OPRL1: variants seen among roughly 807,000 people sequenced by gnomAD.
OPRL1 encodes the protein nociceptin receptor.
OPRL1 carries 5 observed loss-of-function variants against 15.5 expected under a neutral mutation model. The ratio of observed to expected loss-of-function variants is 0.32; its 90% confidence interval spans 0.17 to 0.68. The LOEUF is 0.68. Ranked by LOEUF, OPRL1 falls within the 30% of genes least tolerant of loss-of-function variation. The pLI is 0.72. For missense variants in OPRL1, 406 were observed against 515.3 expected, an observed-to-expected ratio of 0.79 and a Z score of 2.05; for synonymous variants, 223 against 230.2, an observed-to-expected ratio of 0.97 and a Z score of 0.28.
rs371960332 is a variant in OPRL1 at position 64,097,282 on chromosome 20, C to T, written c.234-520C>T. Among the ~76,000 whole-genome samples the T allele has an allele frequency of 6.6e-6, 1 of 152,196 alleles. No homozygotes were observed. The highest frequency in any genetic ancestry group is 2.1e-4 in the South Asian group (1 of 4,828). On this transcript the variant is annotated intron_variant, in intron 3 of 4. Coordinates refer to ENST00000336866, the MANE Select transcript of OPRL1 (RefSeq NM_182647.4). The surrounding 1 kb of genome is among the most constrained non-coding windows in gnomAD (Gnocchi z 4.2). ...AGCATCCCTCCTGTCCCCCCGTCACCATTTTCGGTCTCCATTGCTAGGCAG... is the reference window on the plus strand; with the variant it reads ...AGCATCCCTCCTGTCCCCCCGTCACTATTTTCGGTCTCCATTGCTAGGCAG...
intron 1 of OPRL1, chr20:64,086,403 G>A (rs1394266571): frequency 4.4e-5 from 8 of 180,152 alleles, no homozygotes; most frequent in East Asian, 3.8e-4. Context: ...TTCTCCACAC[G>A]TTTGCAGTTC....
At chr20:64,098,213 C>T in intron 4 of OPRL1, 56 bp downstream of exon 4, 2 of 1,604,154 alleles carry the variant, frequency 1.2e-6, no homozygotes, top group Non-Finnish European at 8.5e-7. Context: ...CGGGTGGCTC[C>T]TCTGGGCCCA....
chr20:64,090,569 G>A lies in OPRL1; in HGVS notation c.-184-1397G>A, dbSNP rs1459538081. Among the ~76,000 whole-genome samples the A allele has an allele frequency of 6.6e-6, 1 of 152,236 alleles. No homozygotes were observed. Among genetic ancestry groups the A allele is most frequent in the African/African-American group, 2.4e-5 (1 of 41,460 alleles). Reference sequence around the variant, plus strand: ...GCAGGAAGTACAACCCCATGACCGGGAGGGAGCTGGTGATTCAGCTCAGGG... The same window carrying A: ...GCAGGAAGTACAACCCCATGACCGGAAGGGAGCTGGTGATTCAGCTCAGGG... On this transcript the variant is annotated intron_variant, in intron 1 of 4. Transcript: ENST00000336866. This position sits in a 1 kb window ranked among gnomAD's most constrained non-coding sequence, Gnocchi z 4.9.
At chr20:64,098,204 G>A (rs564894084) in intron 4 of OPRL1, 47 bp downstream of exon 4, 22 of 1,603,856 alleles carry the variant, frequency 1.4e-5, no homozygotes, top group South Asian at 1.0e-4. Flanking sequence ...CCTGGCTCCC[G>A]GGTGGCTCCT....
intron 1 of OPRL1, among the ~76,000 whole-genome samples, chr20:64,081,624 A>G (rs996814997): frequency 3.3e-5 from 5 of 152,152 alleles, no homozygotes; most frequent in Non-Finnish European, 7.4e-5. Flanking sequence ...TGGGCAGTTG[A>G]TGGCGGAGCT....
chr20:64,096,047 C>G (rs548762951), intron 3 of OPRL1, among the ~76,000 whole-genome samples: 6 of 152,120 alleles, frequency 3.9e-5, no homozygotes, highest in Admixed American at 3.9e-4. Flanking sequence ...GAGGTTGCCT[C>G]GTGATGTGCA....
chr20:64,098,473 C>G lies in OPRL1; in HGVS notation c.787C>G (p.Arg263Gly). Reference protein sequence around the residue: ...EKDRNLRRITRLVLVVVAVFV... With the variant: ...EKDRNLRRITGLVLVVVAVFV... ...GGACCGGAACCTGCGGCGCATCACT[C>G]GGCTGGTGCTGGTGGTAGTGGCTGT... Residue 263 changes from arginine (R) to glycine (G), a missense_variant, in exon 5 of 5, where the codon CGG (arginine) becomes GGG (glycine). Physicochemically the swap from Arg to Gly is moderately radical, Grantham distance 125. Coordinates refer to ENST00000336866, the MANE Select transcript of OPRL1 (RefSeq NM_182647.4). 6.2e-7 allele frequency: 1 copy of G among 1,613,304 alleles called. No homozygotes were observed. Among genetic ancestry groups the G allele is most frequent in the East Asian group, 2.2e-5 (1 of 44,878 alleles).
chr20:64,099,267 G>A lies in OPRL1; in HGVS notation c.*468G>A. On this transcript the variant is annotated 3_prime_UTR_variant, in exon 5 of 5. Coordinates refer to ENST00000336866, the MANE Select transcript of OPRL1 (RefSeq NM_182647.4). ...TGCTGTGTGCTGTTTGCATGGCAGG[G>A]CTCCAGCTGCCTTCAGCCCTGTGAC... 1 of 169,052 alleles carries A rather than the reference G, an allele frequency of 5.9e-6. No individual in the cohort carries two copies. The highest frequency in any genetic ancestry group is 1.3e-5 in the Non-Finnish European group (1 of 79,382). The allele number at this position is 169,052 out of a possible 1,614,324, so 10.5% of individuals were successfully genotyped here.
intron 1 of OPRL1, chr20:64,084,494 T>A (rs373383066): frequency 3.8e-6 from 3 of 792,694 alleles, no homozygotes; most frequent in South Asian, 1.2e-4. Flanking sequence ...AGGAAATATC[T>A]TTCCTACCCG....
In OPRL1 at chr20:64,098,115, G is replaced by A. The variant is rs142892326; in HGVS notation, c.547G>A (p.Val183Ile). The change falls in exon 4 of 5, where the codon GTT becomes ATT. Residue 183 changes from valine to isoleucine, a missense_variant. By Grantham distance (29) the Val-to-Ile change is conservative. Coordinates refer to ENST00000336866, the MANE Select transcript of OPRL1 (RefSeq NM_182647.4). ...AIWALASVVG[V>I]PVAIMGSAQV... ...CTGGGCCCTGGCCTCTGTTGTCGGT[G>A]TTCCCGTTGCCATCATGGGCTCGGC... is the stretch of plus-strand genomic sequence containing the variant. 2 of 1,613,146 alleles carry A rather than the reference G, an allele frequency of 1.2e-6. No individual in the cohort carries two copies. Among genetic ancestry groups the A allele is most frequent in the Non-Finnish European group, 1.7e-6 (2 of 1,180,022 alleles).
In OPRL1 at chr20:64,090,532, T is replaced by G. The variant is rs1295191362; in HGVS notation, c.-184-1434T>G. On this transcript the variant is annotated intron_variant, in intron 1 of 4. Coordinates refer to ENST00000336866, the MANE Select transcript of OPRL1 (RefSeq NM_182647.4). This position sits in a 1 kb window ranked among gnomAD's most constrained non-coding sequence, Gnocchi z 4.9. ...TGTGTGGGGAGAGGTCTGGTTTTCC[T>G]GCAAAGCTCGTGCAGGAAGTACAAC... 6.6e-6 allele frequency among the ~76,000 whole-genome samples: 1 copy of G among 152,208 alleles called. No individual in the cohort carries two copies. The highest frequency in any genetic ancestry group is 1.5e-5 in the Non-Finnish European group (1 of 68,042).
Position 64,083,529 on chromosome 20 carries a change from G to A in OPRL1, c.-185+3177G>A, listed in dbSNP as rs1422123849. The A allele has an allele frequency of 6.4e-7, 1 of 1,561,634 alleles. No homozygotes were observed. On this transcript the variant is annotated intron_variant, in intron 1 of 4. Transcript: ENST00000336866. This position sits in a 1 kb window ranked among gnomAD's most constrained non-coding sequence, Gnocchi z 4.9. Reference sequence around the variant, plus strand: ...AGAGAGGCTGGGGTCCGGCGTGTGCGGAGGCGGGCAGGGCCCCTCCCCTTT... The same window carrying A: ...AGAGAGGCTGGGGTCCGGCGTGTGCAGAGGCGGGCAGGGCCCCTCCCCTTT...
Position 64,098,698 on chromosome 20 carries a change from G to C in OPRL1, c.1012G>C (p.Ala338Pro). 1.2e-6 allele frequency: 2 copies of C among 1,612,722 alleles called. No individual in the cohort carries two copies. Among genetic ancestry groups the C allele is most frequent in the South Asian group, 2.2e-5 (2 of 91,088 alleles). The change falls in exon 5 of 5, where the codon GCC (alanine) becomes CCC (proline). Residue 338 changes from alanine (A) to proline (P), a missense_variant. Ala to Pro is a conservative substitution (Grantham distance 27). Coordinates refer to ENST00000336866, the MANE Select transcript of OPRL1 (RefSeq NM_182647.4). ...CTTCCGCAAGTTCTGCTGTGCATCT[G>C]CCCTGCGCCGGGACGTGCAGGTGTC... ...ACFRKFCCAS[A>P]LRRDVQVSDR... is the part of the protein sequence containing the mutation.
At position 64,092,114 on chromosome 20, in the gene OPRL1, G is replaced by A; in HGVS notation, c.-36G>A. 6.5e-6 allele frequency: 1 copy of A among 154,984 alleles called. No homozygotes were observed. The allele number at this position is 154,984 out of a possible 1,614,324, so 9.6% of individuals were successfully genotyped here. A position where few individuals can be genotyped will look rare whatever the true frequency, so the allele number is the denominator to read the frequency against. ...GGTCCCAGCTCCCAAGGAGGTTGCAGAAGTAAGGGCCTGAGCCGCTGGAGG... is the reference window on the plus strand; with the variant it reads ...GGTCCCAGCTCCCAAGGAGGTTGCAAAAGTAAGGGCCTGAGCCGCTGGAGG... On this transcript the variant is annotated splice_region_variant and 5_prime_UTR_variant, in exon 2 of 5. Coordinates refer to ENST00000336866, the MANE Select transcript of OPRL1 (RefSeq NM_182647.4).
Position 64,089,172 on chromosome 20 carries a change from T to C in OPRL1, c.-184-2794T>C, listed in dbSNP as rs938561576. On this transcript the variant is annotated intron_variant, in intron 1 of 4. Transcript: ENST00000336866. This position sits in a 1 kb window ranked among gnomAD's most constrained non-coding sequence, Gnocchi z 5.5. ...AAGGGAGGGAGAAGCTGTCCTGGGT[T>C]CTATGGTTATGAACATGTCAGGGCA... Among the ~76,000 whole-genome samples the C allele has an allele frequency of 6.6e-6, 1 of 152,054 alleles. No individual in the cohort carries two copies. Among genetic ancestry groups the C allele is most frequent in the Non-Finnish European group, 1.5e-5 (1 of 67,996 alleles).
In OPRL1 at chr20:64,083,968, C is replaced by T. The variant is rs750558165; in HGVS notation, c.-185+3616C>T. On this transcript the variant is annotated intron_variant, in intron 1 of 4. Transcript: ENST00000336866. This position sits in a 1 kb window ranked among gnomAD's most constrained non-coding sequence, Gnocchi z 4.9. The stretch of plus-strand genomic sequence containing the variant: ...GGTCGGGCATGCGGTACCCCGGTTC[C>T]ACCGACCCGCACGGGAAGGTGGAGG... The T allele has an allele frequency of 4.1e-6, 6 of 1,467,362 alleles. No homozygotes were observed. The highest frequency in any genetic ancestry group is 5.4e-6 in the Non-Finnish European group (6 of 1,116,986). 90.9% of individuals were successfully genotyped at this position (1,467,362 alleles called of 1,614,324 possible).
chr20:64,084,517 G>A (rs529743380), intron 1 of OPRL1, among the ~76,000 whole-genome samples: 34 of 152,322 alleles, frequency 2.2e-4, no homozygotes, highest in African/African-American at 7.7e-4. Flanking sequence ...GGACTGTTCT[G>A]TTTGAATTGA....
rs1466049598 is a variant in OPRL1, at chr20:64,098,448, G to A, written c.762G>A (p.Lys254=). Residue 254 remains lysine, a synonymous_variant, in exon 5 of 5, where the codon AAG becomes AAA. Transcript: ENST00000336866. ...GVRLLSGSRE[K]DRNLRRITRL... ...GCCTGCTCTCGGGCTCCCGAGAGAA[G>A]GACCGGAACCTGCGGCGCATCACTC... is the stretch of plus-strand genomic sequence containing the variant. The A allele has an allele frequency of 6.2e-7, 1 of 1,613,494 alleles. No individual in the cohort carries two copies. The highest frequency in any genetic ancestry group is 1.1e-5 in the South Asian group (1 of 91,088).
At chr20:64,088,644 ATCTGTGCAGGG>A (rs1601634374) in intron 1 of OPRL1, among the ~76,000 whole-genome samples, 1 of 151,220 alleles carries the variant, frequency 6.6e-6, no homozygotes, top group Admixed American at 6.6e-5. Flanking sequence ...AGTGGCCAGG[ATCTGTGCAGGG>A]AGGCCAGGAT....
Sources: allele counts gnomAD v4.1 joint callset (sites outside exome capture counted in the v4.1 genomes callset), GRCh38; gene constraint gnomAD v4.1.1; non-coding constraint Gnocchi (gnomAD v3.1); transcripts MANE v1.5; gene names NCBI Gene and HGNC (gene_info 2026-07-23, HGNC 2026-07-21).